DCBLD2: variants seen among roughly 807,000 people sequenced by gnomAD.
DCBLD2 encodes the protein discoidin, CUB and LCCL domain containing 2.
Under a neutral mutation model 86.8 loss-of-function variants are expected in DCBLD2, and 54 were observed. The ratio of observed to expected loss-of-function variants is 0.62; its 90% CI spans 0.50 to 0.78. DCBLD2 has a LOEUF of 0.78. DCBLD2 is among the 30% of genes least tolerant of loss of function. The pLI is 0.00. For synonymous variants in DCBLD2, 354 were observed against 341.3 expected, an observed-to-expected ratio of 1.04 and a Z score of -0.41; for missense variants, 908 against 954.2, an observed-to-expected ratio of 0.95 and a Z score of 0.64.
Position 98,845,223 on chromosome 3 carries a change from A to AG in DCBLD2, c.571+4237dup, listed in dbSNP as rs539316332. ...GCTCAAAGATCATTAAAAATAGCAG[A>AG]GGGGGGAAAAAGCTTTATTAAAAAT... On this transcript the variant is annotated intron_variant, in intron 3 of 15. Transcript: ENST00000326840. Among the ~76,000 whole-genome samples the AG allele has an allele frequency of 4.1e-4, 62 of 152,248 alleles. 1 individual carries two copies. The East Asian group carries it at 4.4e-3, about 11-fold the overall frequency.
chr3:98,870,759 A>AAAGAAAGAG, intron 2 of DCBLD2, among the ~76,000 whole-genome samples: 1 of 137,946 alleles, frequency 7.2e-6, no homozygotes. Flanking sequence ...GAAAGAAAGA[A>AAAGAAAGAG]AGAAAGAAAG....
At chr3:98,889,780 C>A (rs781108808) in intron 1 of DCBLD2, among the ~76,000 whole-genome samples, 2 of 151,950 alleles carry the variant, frequency 1.3e-5, no homozygotes, top group Non-Finnish European at 2.9e-5. Context: ...ATGAGTTGAA[C>A]AAAATATTTG....
chr3:98,866,820 T>C (rs1943156564), intron 2 of DCBLD2, among the ~76,000 whole-genome samples: 1 of 152,248 alleles, frequency 6.6e-6, no homozygotes, highest in Admixed American at 6.5e-5. Context: ...GGTTTTCTTC[T>C]AGGGTTTTTA....
At chr3:98,830,823 T>G (rs1389221494) in intron 3 of DCBLD2, among the ~76,000 whole-genome samples, 1 of 152,252 alleles carries the variant, frequency 6.6e-6, no homozygotes, top group African/African-American at 2.4e-5. Context: ...TAAATCACTT[T>G]GGACAGAATG....
chr3:98,799,865 A>G (rs1941685537), intron 15 of DCBLD2, 24 bp from the exon 16 acceptor site: 1 of 1,560,754 alleles, frequency 6.4e-7, no homozygotes, highest in Non-Finnish European at 8.7e-7. Context: ...AAAACAACAG[A>G]AAAGTCATTT....
At chr3:98,834,107 T>G (rs1942375614) in intron 3 of DCBLD2, among the ~76,000 whole-genome samples, 2 of 151,564 alleles carry the variant, frequency 1.3e-5, no homozygotes, top group African/African-American at 2.4e-5. Flanking sequence ...TGTCCTGCTT[T>G]GCTTTTTTCC....
At chr3:98,854,698 T>G (rs747028222) in intron 2 of DCBLD2, among the ~76,000 whole-genome samples, 1 of 152,254 alleles carries the variant, frequency 6.6e-6, no homozygotes, top group African/African-American at 2.4e-5. Context: ...ATCATAGTCA[T>G]TGTACATCTT....
chr3:98,868,685 C>A (rs1203493983), intron 2 of DCBLD2, among the ~76,000 whole-genome samples: 5 of 152,106 alleles, frequency 3.3e-5, no homozygotes, highest in Non-Finnish European at 7.4e-5. Context: ...TTAGTCCCCC[C>A]TTGTGAGAAC....
rs201629117 is a variant in DCBLD2, at chr3:98,808,138, A to G, written c.1613T>C (p.Val538Ala). ...GAGAATGAGAGTAGTGAGGACCATG[A>G]CCAGCACAGGGACAAGAACTGCAGC... ...ALAAVLVPVL[V>A]MVLTTLILIL... is the part of the protein sequence containing the mutation. The change falls in exon 13 of 16, where the codon GTC becomes GCC. Residue 538 changes from valine (V) to alanine (A), a missense_variant. Around this residue, in one of 3 missense-constraint regions of DCBLD2, gnomAD observed 606 missense variants for 678.5 expected, o/e 0.89. Coordinates refer to ENST00000326840, the MANE Select transcript of DCBLD2 (RefSeq NM_080927.4). The G allele has an allele frequency of 9.8e-5, 158 of 1,607,042 alleles. No individual in the cohort carries two copies. In the African/African-American group the frequency reaches 1.6e-3, roughly 16 times the overall value.
At chr3:98,826,175 C>CAA (rs11453585) in intron 3 of DCBLD2, among the ~76,000 whole-genome samples, 3 of 149,222 alleles carry the variant, frequency 2.0e-5, no homozygotes, top group African/African-American at 7.4e-5. Flanking sequence ...AAAAAAAAAG[C>CAA]AAAAAAAACA....
At position 98,878,825 on chromosome 3, in the gene DCBLD2, G is replaced by T. The variant is rs151165365; in HGVS notation, c.433+2715C>A. Among the ~76,000 whole-genome samples the T allele has an allele frequency of 5.4e-3, 815 of 152,216 alleles. 7 individuals carry two copies. The highest frequency in any genetic ancestry group is 0.019 in the African/African-American group (771 of 41,540). ...ATGAGGAGAATAGGAAAAAGCAATG[G>T]AAATAAGGGAAAGCTGAGATTTATT... On this transcript the variant is annotated intron_variant, in intron 2 of 15. Transcript: ENST00000326840.
intron 3 of DCBLD2, among the ~76,000 whole-genome samples, chr3:98,844,062 A>ACACACACACC (rs1459005169): frequency 3.2e-3 from 459 of 144,114 alleles, no homozygotes; most frequent in African/African-American, 0.011. Flanking sequence ...ACACACACAC[A>ACACACACACC]CCCCAATTAT....
chr3:98,894,062 TC>T (rs2107532729), intron 1 of DCBLD2, among the ~76,000 whole-genome samples: 1 of 152,232 alleles, frequency 6.6e-6, no homozygotes, highest in Non-Finnish European at 1.5e-5. Flanking sequence ...TTGGGAACTG[TC>T]CAAGATCACG....
intron 3 of DCBLD2, among the ~76,000 whole-genome samples, chr3:98,838,053 C>A (rs1942511937): frequency 7.6e-6 from 1 of 132,064 alleles, no homozygotes; most frequent in East Asian, 2.5e-4. Flanking sequence ...GGGCTGACCC[C>A]CCCACCTCCC....
At chr3:98,809,360 T>C (rs149862890) in intron 12 of DCBLD2, among the ~76,000 whole-genome samples, 259 of 152,094 alleles carry the variant, frequency 1.7e-3, no homozygotes, top group Admixed American at 6.5e-3. Context: ...AAAACAACTG[T>C]ATCCAAAAGA....
At chr3:98,891,521 CAG>C in intron 1 of DCBLD2, among the ~76,000 whole-genome samples, 1 of 152,030 alleles carries the variant, frequency 6.6e-6, no homozygotes, top group East Asian at 1.9e-4. Context: ...ACACTTCAGC[CAG>C]AGTTTCTTAA....
intron 8 of DCBLD2, 41 bp downstream of exon 8, chr3:98,819,161 T>C (rs770952117): frequency 2.7e-6 from 4 of 1,507,760 alleles, no homozygotes; most frequent in South Asian, 2.5e-5. Context: ...TCAAATAAAA[T>C]AAGTGTTACA....
At chr3:98,805,298 A>T (rs1182653541) in intron 13 of DCBLD2, among the ~76,000 whole-genome samples, 1 of 152,222 alleles carries the variant, frequency 6.6e-6, no homozygotes, top group Admixed American at 6.5e-5. Flanking sequence ...TGGAAAAGAA[A>T]TAAAAAAAAA....
At chr3:98,849,386 T>C in intron 3 of DCBLD2, 75 bp downstream of exon 3, 1 of 1,570,522 alleles carries the variant, frequency 6.4e-7, no homozygotes, top group East Asian at 2.2e-5. Context: ...AGAAAACAGG[T>C]ACTTAAAAAA....
Sources: allele counts gnomAD v4.1 joint callset (sites outside exome capture counted in the v4.1 genomes callset), GRCh38; gene constraint gnomAD v4.1.1; regional missense constraint gnomAD v4.1.1; transcripts MANE v1.5; gene names NCBI Gene and HGNC (gene_info 2026-07-23, HGNC 2026-07-21).